PUDP: variants seen among roughly 807,000 people sequenced by gnomAD.
The protein encoded by PUDP is pseudouridine-5'-phosphatase.
PUDP carries 8 observed loss-of-function variants against 9.4 expected under a neutral mutation model. The ratio of observed to expected loss-of-function variants is 0.85; its 90% CI spans 0.50 to 1.53. PUDP has a LOEUF of 1.53. PUDP is among the 40% of genes most tolerant of loss of function. The pLI is 0.00. For missense variants in PUDP, 188 were observed against 189.7 expected (o/e 0.99, Z 0.05); for synonymous variants, 99 against 80.7 (o/e 1.23, Z -1.22).
intron 3 of PUDP, among the ~76,000 whole-genome samples, chrX:6,778,825 G>T (rs191671892): frequency 6.7e-4 from 75 of 112,433 alleles, no homozygotes; most frequent in African/African-American, 2.3e-3. Flanking sequence ...GGGAGAGCGT[G>T]CCAGCTGGAG....
intron 2 of PUDP, among the ~76,000 whole-genome samples, chrX:7,079,837 A>G (rs1054294921): frequency 2.7e-5 from 3 of 112,446 alleles, no homozygotes; most frequent in Non-Finnish European, 1.9e-5. Context: ...GATATGTTAA[A>G]TAATAAGGTC....
chrX:6,912,824 T>C (rs1368143570), intron 3 of PUDP, among the ~76,000 whole-genome samples: 1 of 112,165 alleles, frequency 8.9e-6, no homozygotes, highest in Non-Finnish European at 1.9e-5. Flanking sequence ...CCTAACATGC[T>C]CTTAATACCC....
At chrX:6,814,779 T>C (rs1022390848) in intron 3 of PUDP, among the ~76,000 whole-genome samples, 1 of 111,777 alleles carries the variant, frequency 8.9e-6, no homozygotes, top group Non-Finnish European at 1.9e-5. Flanking sequence ...GCTTTTGAAA[T>C]GTGATTATGT....
intron 3 of PUDP, among the ~76,000 whole-genome samples, chrX:6,831,598 A>G (rs1351119992): frequency 1.8e-5 from 2 of 112,073 alleles, no homozygotes; most frequent in African/African-American, 6.5e-5. Context: ...ATACAAGTTA[A>G]TGAGACAAAT....
chrX:6,901,553 C>T (rs1927686293), intron 3 of PUDP, among the ~76,000 whole-genome samples: 1 of 112,204 alleles, frequency 8.9e-6, no homozygotes, highest in Non-Finnish European at 1.9e-5. Flanking sequence ...CTCCACGGGG[C>T]GCAGCCTGAC....
chrX:7,111,517 G>A (rs1932050153), intron 1 of PUDP, among the ~76,000 whole-genome samples: 2 of 110,494 alleles, frequency 1.8e-5, no homozygotes, highest in African/African-American at 6.6e-5. Context: ...GGCGGGGGGA[G>A]ATGCTTTAGG....
At chrX:7,048,627 T>G (rs1007423954), downstream of PUDP, among the ~76,000 whole-genome samples, 8 of 112,211 alleles carry the variant, frequency 7.1e-5, no homozygotes, top group African/African-American at 9.7e-5. Context: ...CACTTAGATA[T>G]GCATTACACC....
chrX:6,999,869 G>A (rs1231888642), intron 1 of PUDP, among the ~76,000 whole-genome samples: 1 of 109,605 alleles, frequency 9.1e-6, no homozygotes, highest in African/African-American at 3.3e-5. Flanking sequence ...CTGAAAATAT[G>A]TGTAAACAAT....
chrX:7,127,263 G>C lies in PUDP; in HGVS notation c.61+20790C>G, dbSNP rs142442149. On this transcript the variant is annotated intron_variant, in intron 1 of 3. Transcript: ENST00000381077. ...TCCAATTACCAGGGAAGGACAGCTG[G>C]TAAGAGACCGCCTTTTCTTTGAACA... Among the ~76,000 whole-genome samples, 284 of 112,128 alleles carry C rather than the reference G, an allele frequency of 2.5e-3. 1 individual carries two copies. The highest frequency in any genetic ancestry group is 0.021 in the Admixed American group (224 of 10,582).
chrX:6,953,718 C>A, intron 3 of PUDP, among the ~76,000 whole-genome samples: 1 of 111,302 alleles, frequency 9.0e-6, no homozygotes, highest in South Asian at 3.9e-4. Flanking sequence ...ACATTCACCC[C>A]TATAGCCCCC....
intron 1 of PUDP, among the ~76,000 whole-genome samples, chrX:7,147,240 T>G (rs1415567190): frequency 1.8e-5 from 2 of 109,773 alleles, no homozygotes; most frequent in Non-Finnish European, 3.8e-5. Flanking sequence ...AGGGGTAGGG[T>G]GGGGCCCCAG....
At chrX:6,906,199 G>A (rs988857930) in intron 3 of PUDP, among the ~76,000 whole-genome samples, 1 of 111,734 alleles carries the variant, frequency 8.9e-6, no homozygotes, top group African/African-American at 3.3e-5. Flanking sequence ...TGCTGCTATT[G>A]GATATCCAAA....
chrX:6,746,764 A>G (rs2887560), intron 3 of PUDP, among the ~76,000 whole-genome samples: 43,716 of 110,409 alleles, frequency 0.4, 9,011 homozygotes, highest in African/African-American at 0.8. Context: ...TTTTATGGCT[A>G]TATAGTATTC....
At chrX:7,047,758 GAGC>G (rs1482977254), downstream of PUDP, among the ~76,000 whole-genome samples, 3 of 112,756 alleles carry the variant, frequency 2.7e-5, no homozygotes, top group African/African-American at 9.7e-5. Context: ...ACTGCTTGTG[GAGC>G]AGAAGAGTAC....
At chrX:7,056,334 C>T (rs1384033010) in intron 3 of PUDP, among the ~76,000 whole-genome samples, 7 of 111,601 alleles carry the variant, frequency 6.3e-5, no homozygotes, top group Non-Finnish European at 1.3e-4. Flanking sequence ...TCAGTGAAGC[C>T]GGAGAACTGG....
At chrX:6,826,748 G>A (rs976055848) in intron 3 of PUDP, among the ~76,000 whole-genome samples, 2 of 112,195 alleles carry the variant, frequency 1.8e-5, no homozygotes, top group African/African-American at 6.5e-5. Flanking sequence ...ATTCAGAAAT[G>A]CAGGTACATC....
intron 1 of PUDP, among the ~76,000 whole-genome samples, chrX:7,110,184 C>T (rs1258427013): frequency 8.9e-6 from 1 of 112,318 alleles, no homozygotes; most frequent in African/African-American, 3.2e-5. Flanking sequence ...GGCATTAAGG[C>T]TTAAATTAAT....
chrX:6,986,881 C>T (rs893436577), intron 1 of PUDP, among the ~76,000 whole-genome samples: 1 of 112,026 alleles, frequency 8.9e-6, no homozygotes, highest in African/African-American at 3.3e-5. Context: ...TTTTCTTCTG[C>T]ATCCGAATAT....
chrX:6,962,046 C>T (rs1189751097), intron 3 of PUDP, among the ~76,000 whole-genome samples: 1 of 111,906 alleles, frequency 8.9e-6, no homozygotes, highest in East Asian at 2.8e-4. Context: ...AATTAGTGAT[C>T]TGAAAGAACT....
Sources: allele counts gnomAD v4.1 joint callset (sites outside exome capture counted in the v4.1 genomes callset), GRCh38; gene constraint gnomAD v4.1.1; transcripts MANE v1.5; gene names NCBI Gene and HGNC (gene_info 2026-07-23, HGNC 2026-07-21).